Variants in PTK7 observed in about 807,000 individuals in gnomAD.
PTK7 encodes the protein inactive tyrosine-protein kinase 7.
PTK7 carries 39 observed loss-of-function variants against 116.6 expected under a neutral mutation model. The observed-to-expected ratio is 0.33, with a 90% CI of 0.26 to 0.44. PTK7 has a LOEUF of 0.44. Ranked by LOEUF, PTK7 falls within the 20% of genes least tolerant of loss-of-function variation. PTK7 has a pLI of 1.00. For synonymous variants in PTK7, 546 were observed against 563.6 expected, an observed-to-expected ratio of 0.97 and a Z score of 0.44; for missense variants, 1,169 against 1,425.6, an observed-to-expected ratio of 0.82 and a Z score of 2.90.
At chr6:43,142,452 T>TA in intron 13 of PTK7, 153 bp downstream of exon 13, 5 of 1,195,554 alleles carry the variant, frequency 4.2e-6, no homozygotes, top group Non-Finnish European at 4.8e-6. Context: ...TGCACAGTCT[T>TA]AGAGTCCTTG....
rs1392858131 is a variant in PTK7 at position 43,130,433 on chromosome 6, T to C, written c.661+13T>C. The C allele has an allele frequency of 6.2e-7, 1 of 1,603,142 alleles. No homozygotes were observed. Among genetic ancestry groups the C allele is most frequent in the East Asian group, 2.2e-5 (1 of 44,600 alleles). The stretch of plus-strand genomic sequence containing the variant: ...TTGAGCATTGCTGGTGAGCCTGGGG[T>C]GGGGGCGGAAGGGATGAGGTGAGCA... On this transcript the variant is annotated intron_variant, in intron 4 of 19. Transcript: ENST00000230419.
At chr6:43,105,124 T>TA (rs200996532) in intron 1 of PTK7, among the ~76,000 whole-genome samples, 10 of 150,454 alleles carry the variant, frequency 6.6e-5, no homozygotes, top group East Asian at 1.9e-4. Context: ...TTTTTTTTTT[T>TA]AAAAAAACTT....
chr6:43,098,080 AG>A lies in PTK7; in HGVS notation c.79+21518del, dbSNP rs544407813. ...AATATCCGCCTCATGGGTTACGGTG[AG>A]GGGGTGAGGGTCTAGTGAGGTGTGT... On this transcript the variant is annotated intron_variant, in intron 1 of 19. Coordinates refer to ENST00000230419, the MANE Select transcript of PTK7 (RefSeq NM_002821.5). Among the ~76,000 whole-genome samples the A allele has an allele frequency of 4.1e-4, 63 of 152,178 alleles. 1 individual carries two copies. The highest frequency in any genetic ancestry group is 1.4e-3 in the African/African-American group (58 of 41,542).
chr6:43,155,505 G>A (rs1345899299), intron 17 of PTK7, among the ~76,000 whole-genome samples: 1 of 151,970 alleles, frequency 6.6e-6, no homozygotes. Flanking sequence ...TTAGCTGGGC[G>A]TGGTGGTATG....
chr6:43,088,778 T>G (rs1247506191), intron 1 of PTK7, among the ~76,000 whole-genome samples: 2 of 152,194 alleles, frequency 1.3e-5, no homozygotes, highest in Non-Finnish European at 2.9e-5. Flanking sequence ...TAGAACACTG[T>G]GCCTAAATCC....
rs369069494 is a variant in PTK7, at chr6:43,093,142, A to G, written c.79+16575A>G. On this transcript the variant is annotated intron_variant, in intron 1 of 19. Transcript: ENST00000230419. ...CCCTAACAAGGCAGACAGTCTATCT[A>G]TTATGGAAAGAATACAGTGACTCTC... 9.0e-5 allele frequency among the ~76,000 whole-genome samples: 13 copies of G among 144,828 alleles called. No individual in the cohort carries two copies. In the East Asian group the frequency reaches 2.1e-3, roughly 24 times the overall value.
chr6:43,095,391 AAAC>A (rs888294054), intron 1 of PTK7, among the ~76,000 whole-genome samples: 2 of 152,046 alleles, frequency 1.3e-5, no homozygotes, highest in African/African-American at 4.8e-5. Context: ...AAACAAACCA[AAAC>A]AACAACAACA....
chr6:43,112,380 T>G (rs1401914749), intron 1 of PTK7, among the ~76,000 whole-genome samples: 1 of 151,662 alleles, frequency 6.6e-6, no homozygotes, highest in Non-Finnish European at 1.5e-5. Flanking sequence ...GTGATTCTCT[T>G]GCCTCAGCAT....
At chr6:43,089,767 C>G (rs1393900206) in intron 1 of PTK7, among the ~76,000 whole-genome samples, 2 of 152,160 alleles carry the variant, frequency 1.3e-5, no homozygotes, top group Non-Finnish European at 2.9e-5. Context: ...GCCCTGGAGA[C>G]CTGTAGGAAG....
intron 14 of PTK7, among the ~76,000 whole-genome samples, chr6:43,144,095 T>A (rs1408704952): frequency 6.6e-6 from 1 of 152,206 alleles, no homozygotes; most frequent in Non-Finnish European, 1.5e-5. Flanking sequence ...ATTATTGTGA[T>A]TTTCCCTTTG....
At chr6:43,126,253 G>A (rs1384882476) in intron 1 of PTK7, among the ~76,000 whole-genome samples, 1 of 152,134 alleles carries the variant, frequency 6.6e-6, no homozygotes, top group Non-Finnish European at 1.5e-5. Context: ...CCGAGAGGTG[G>A]AGGTTGCAGT....
intron 1 of PTK7, among the ~76,000 whole-genome samples, chr6:43,103,001 A>G (rs984423433): frequency 6.6e-6 from 1 of 152,182 alleles, no homozygotes; most frequent in African/African-American, 2.4e-5. Context: ...CCTTTTTTAC[A>G]TGGGAAACCC....
At chr6:43,148,245 C>T (rs1342839312) in intron 17 of PTK7, among the ~76,000 whole-genome samples, 1 of 151,264 alleles carries the variant, frequency 6.6e-6, no homozygotes, top group Non-Finnish European at 1.5e-5. Context: ...AGAGCACGAT[C>T]CTGTCTCAAA....
intron 1 of PTK7, among the ~76,000 whole-genome samples, chr6:43,128,605 C>T (rs1370311459): frequency 1.6e-4 from 24 of 152,010 alleles, no homozygotes; most frequent in Admixed American, 1.5e-3. Flanking sequence ...GCCAACATGG[C>T]GAAACCCTGT....
intron 5 of PTK7, 76 bp downstream of exon 5, chr6:43,130,737 A>G: frequency 1.3e-6 from 2 of 1,512,256 alleles, no homozygotes; most frequent in African/African-American, 1.4e-5. Flanking sequence ...TGCGATTTGT[A>G]TCACAGACAT....
intron 1 of PTK7, among the ~76,000 whole-genome samples, chr6:43,105,725 G>A (rs1480889592): frequency 6.6e-6 from 1 of 152,154 alleles, no homozygotes; most frequent in Non-Finnish European, 1.5e-5. Flanking sequence ...GGCTGAGGTT[G>A]GAGTGATGTG....
rs746096390 is a variant in PTK7 at position 43,139,493 on chromosome 6, G to A, written c.1586G>A (p.Arg529Gln). ...EATVPCSATGREKPTIKWERA... is the reference protein window; with the variant it reads ...EATVPCSATGQEKPTIKWERA... ...ACGGTGCCCTGTTCAGCCACAGGCCGAGAGAAGCCCACTATTAAGTGGGAA... is the reference window on the plus strand; with the variant it reads ...ACGGTGCCCTGTTCAGCCACAGGCCAAGAGAAGCCCACTATTAAGTGGGAA... Residue 529 changes from arginine to glutamine, a missense_variant, in exon 10 of 20, where the codon CGA becomes CAA. Coordinates refer to ENST00000230419, the MANE Select transcript of PTK7 (RefSeq NM_002821.5). The surrounding 1 kb of genome is among the most constrained non-coding windows in gnomAD (Gnocchi z 4.6). 7.4e-6 allele frequency: 12 copies of A among 1,614,224 alleles called. No individual in the cohort carries two copies. Among genetic ancestry groups the A allele is most frequent in the South Asian group, 3.3e-5 (3 of 91,072 alleles).
At position 43,143,306 on chromosome 6, in the gene PTK7, C is replaced by A; in HGVS notation, c.2048-111C>A. 1.9e-6 allele frequency: 2 copies of A among 1,077,504 alleles called. No homozygotes were observed. The highest frequency in any genetic ancestry group is 2.7e-6 in the Non-Finnish European group (2 of 741,354). The allele number at this position is 1,077,504 out of a possible 1,614,324, so 66.7% of individuals were successfully genotyped here. A position where few individuals can be genotyped will look rare whatever the true frequency, so the allele number is the denominator to read the frequency against. On this transcript the variant is annotated intron_variant, in intron 13 of 19. Coordinates refer to ENST00000230419, the MANE Select transcript of PTK7 (RefSeq NM_002821.5). This position sits in a 1 kb window ranked among gnomAD's most constrained non-coding sequence, Gnocchi z 4.2. ...TAAAGCCAGTGAAGGTGGTGACCCT[C>A]CCGGGCCATCTGTTAAGTTGCCCTG...
chr6:43,098,501 G>A (rs1480492000), intron 1 of PTK7, among the ~76,000 whole-genome samples: 3 of 151,780 alleles, frequency 2.0e-5, no homozygotes, highest in Non-Finnish European at 4.4e-5. Flanking sequence ...GATTACAGGC[G>A]CCTGCCACCA....
Sources: gnomAD v4.1 joint callset for allele counts (sites outside exome capture counted in the v4.1 genomes callset) on GRCh38, gnomAD v4.1.1 for gene constraint, Gnocchi (gnomAD v3.1) non-coding constraint, MANE v1.5 for transcripts, NCBI Gene and HGNC (gene_info 2026-07-23, HGNC 2026-07-21) for gene names.